The following NRG1 variants were observed in gnomAD, a reference collection of about 807,000 sequenced individuals.
NRG1 encodes pro-neuregulin-1, membrane-bound isoform.
Under a neutral mutation model 63.8 loss-of-function variants are expected in NRG1, and 18 were observed. The ratio of observed to expected loss-of-function variants is 0.28; its 90% CI spans 0.19 to 0.42. NRG1 has a LOEUF of 0.42. Among genes scored for constraint, NRG1 ranks in the 10% least tolerant of loss-of-function variants. The pLI is 1.00. For synonymous variants in NRG1, 302 were observed against 301.3 expected, an observed-to-expected ratio of 1.00 and a Z score of -0.02; for missense variants, 762 against 814.7, an observed-to-expected ratio of 0.94 and a Z score of 0.79.
intron 1 of NRG1, among the ~76,000 whole-genome samples, chr8:32,251,779 T>C (rs948197989): frequency 1.1e-4 from 16 of 152,194 alleles, no homozygotes; most frequent in African/African-American, 3.9e-4. Flanking sequence ...ATTGTGGTTT[T>C]GAGTTGCATT....
intron 1 of NRG1, among the ~76,000 whole-genome samples, chr8:32,382,481 T>C (rs1203045311): frequency 1.3e-5 from 2 of 152,188 alleles, no homozygotes; most frequent in Non-Finnish European, 2.9e-5. Context: ...TGGGATATCA[T>C]ACCAGGATGA....
chr8:32,214,897 A>G (rs970000565), intron 1 of NRG1, among the ~76,000 whole-genome samples: 1 of 152,192 alleles, frequency 6.6e-6, no homozygotes. Context: ...GGAAAAATGC[A>G]TGGAAATTAT....
intron 1 of NRG1, among the ~76,000 whole-genome samples, chr8:32,226,093 C>G (rs1846289992): frequency 1.3e-5 from 2 of 152,184 alleles, no homozygotes; most frequent in Non-Finnish European, 2.9e-5. Context: ...AGATTCCTTA[C>G]TGTTTCCGGT....
chr8:31,682,760 T>TA (rs1169284626), intron 1 of NRG1, among the ~76,000 whole-genome samples: 1 of 151,928 alleles, frequency 6.6e-6, no homozygotes. Context: ...TTATATGGAA[T>TA]AAAAAAATGC....
intron 1 of NRG1, among the ~76,000 whole-genome samples, chr8:31,941,805 A>G (rs1801790599): frequency 6.6e-6 from 1 of 152,162 alleles, no homozygotes; most frequent in Admixed American, 6.5e-5. Context: ...CAGCAAAAAA[A>G]TAAAATACAT....
At chr8:31,658,964 G>A (rs1240386691) in intron 1 of NRG1, among the ~76,000 whole-genome samples, 1 of 152,198 alleles carries the variant, frequency 6.6e-6, no homozygotes, top group Non-Finnish European at 1.5e-5. Flanking sequence ...TTGACAGGGT[G>A]CTGCTCCAGC....
chr8:32,724,439 G>A (rs1045477540), intron 5 of NRG1, among the ~76,000 whole-genome samples: 2 of 152,026 alleles, frequency 1.3e-5, no homozygotes, highest in African/African-American at 2.4e-5. Flanking sequence ...GCTCTGATTG[G>A]CATAGGACCG....
chr8:32,269,357 G>C (rs762292421), intron 1 of NRG1, among the ~76,000 whole-genome samples: 4 of 152,134 alleles, frequency 2.6e-5, no homozygotes, highest in Admixed American at 6.6e-5. Flanking sequence ...ATAGATCAAG[G>C]CTCCATATAC....
At chr8:32,280,389 G>T (rs1852574422) in intron 1 of NRG1, among the ~76,000 whole-genome samples, 1 of 152,222 alleles carries the variant, frequency 6.6e-6, no homozygotes, top group South Asian at 2.1e-4. Context: ...TGCTTTACCT[G>T]ATGCTTATCA....
intron 1 of NRG1, among the ~76,000 whole-genome samples, chr8:32,518,967 A>G (rs1175143554): frequency 2.0e-5 from 3 of 152,222 alleles, no homozygotes; most frequent in Non-Finnish European, 4.4e-5. Context: ...GTTTCTCCTA[A>G]GAGCTACTTT....
At chr8:31,740,734 T>C (rs908204272) in intron 1 of NRG1, among the ~76,000 whole-genome samples, 20 of 151,548 alleles carry the variant, frequency 1.3e-4, no homozygotes, top group African/African-American at 4.8e-4. Flanking sequence ...TGTTAACAAA[T>C]ACAAGAGGAA....
At chr8:32,235,509 C>T (rs992921649) in intron 1 of NRG1, among the ~76,000 whole-genome samples, 15 of 152,054 alleles carry the variant, frequency 9.9e-5, no homozygotes, top group Non-Finnish European at 2.1e-4. Flanking sequence ...TAAATAGCAT[C>T]TTCTTATAAA....
intron 1 of NRG1, among the ~76,000 whole-genome samples, chr8:32,365,691 G>A (rs1038798929): frequency 3.9e-5 from 6 of 152,220 alleles, no homozygotes; most frequent in South Asian, 2.1e-4. Context: ...GGCCTTGGGC[G>A]AAAAAGCAGC....
chr8:31,889,587 A>G (rs1283437628), intron 1 of NRG1, among the ~76,000 whole-genome samples: 2 of 152,204 alleles, frequency 1.3e-5, no homozygotes, highest in East Asian at 1.9e-4. Flanking sequence ...TACAGAGAGT[A>G]GCCAAGGTCA....
chr8:32,537,195 C>CAAAAAAAAAAAAAAAAAAA (rs71208193), intron 1 of NRG1, among the ~76,000 whole-genome samples: 11 of 43,814 alleles, frequency 2.5e-4, no homozygotes, highest in African/African-American at 5.1e-4. Flanking sequence ...GACTCCATCT[C>CAAAAAAAAAAAAAAAAAAA]AAAAAAAAAA....
intron 1 of NRG1, chr8:32,441,294 A>G (rs1221455872): frequency 3.9e-5 from 6 of 151,982 alleles, no homozygotes; most frequent in Non-Finnish European, 5.9e-5. Context: ...TGTTTGTACC[A>G]TCTCCGTGGT....
chr8:32,185,465 G>C (rs1355916990), intron 1 of NRG1, among the ~76,000 whole-genome samples: 1 of 152,136 alleles, frequency 6.6e-6, no homozygotes, highest in South Asian at 2.1e-4. Flanking sequence ...TTAGGGGCTA[G>C]ACCAAAGCTA....
chr8:31,928,909 C>T (rs186630895), intron 1 of NRG1, among the ~76,000 whole-genome samples: 2 of 152,204 alleles, frequency 1.3e-5, no homozygotes, highest in East Asian at 1.9e-4. Flanking sequence ...AATAACTATG[C>T]ATTGGGTACA....
chr8:32,438,218 A>G (rs1224225809), intron 1 of NRG1, among the ~76,000 whole-genome samples: 1 of 152,158 alleles, frequency 6.6e-6, no homozygotes, highest in African/African-American at 2.4e-5. Context: ...CCTGGCAATA[A>G]TTAACATTTT....
Sources: allele counts gnomAD v4.1 joint callset (sites outside exome capture counted in the v4.1 genomes callset), GRCh38; gene constraint gnomAD v4.1.1; transcripts MANE v1.5; gene names NCBI Gene and HGNC (gene_info 2026-07-23, HGNC 2026-07-21).